Variants in GSE1 observed in about 807,000 individuals in gnomAD.
The protein encoded by GSE1 is Gse1 coiled-coil protein.
GSE1 carries 32 observed loss-of-function variants against 112.6 expected under a neutral mutation model. The ratio of observed to expected loss-of-function variants is 0.28; its 90% CI spans 0.21 to 0.38. The LOEUF is 0.38. Ranked by LOEUF, GSE1 falls within the 10% of genes least tolerant of loss-of-function variation. The pLI is 1.00. For missense variants in GSE1, 2,348 were observed against 1,699.2 expected (o/e 1.38, Z -6.71); for synonymous variants, 1,115 against 735.6 (o/e 1.52, Z -8.35).
chr16:85,334,643 G>T (rs1293857571), intron 1 of GSE1, among the ~76,000 whole-genome samples: 1 of 152,194 alleles, frequency 6.6e-6, no homozygotes, highest in African/African-American at 2.4e-5. Context: ...CCTTATTGGG[G>T]CTATGTGTGA....
exon 1 of GSE1, chr16:85,170,142 C>T (rs2074335273): frequency 3.0e-6 from 3 of 985,302 alleles, no homozygotes; most frequent in Non-Finnish European, 2.4e-6. Flanking sequence ...CAGGGCCTCG[C>T]GGGGGGCGCG....
At chr16:85,302,658 G>A (rs1373392541) in intron 1 of GSE1, among the ~76,000 whole-genome samples, 1 of 152,192 alleles carries the variant, frequency 6.6e-6, no homozygotes, top group African/African-American at 2.4e-5. Flanking sequence ...CAGAGCCTCT[G>A]AATCAAAAGA....
At chr16:85,242,074 G>A (rs1456998360) in intron 1 of GSE1, among the ~76,000 whole-genome samples, 3 of 152,166 alleles carry the variant, frequency 2.0e-5, no homozygotes, top group African/African-American at 4.8e-5. Context: ...AGCTGCAAGA[G>A]TCCCACGTCC....
chr16:85,518,032 C>T (rs1170012291), intron 2 of GSE1, among the ~76,000 whole-genome samples: 2 of 152,300 alleles, frequency 1.3e-5, no homozygotes, highest in African/African-American at 2.4e-5. Context: ...AAGCCGGGCA[C>T]CAGGGACACG....
intron 2 of GSE1, among the ~76,000 whole-genome samples, chr16:85,461,411 T>C (rs1012499564): frequency 1.3e-5 from 2 of 152,184 alleles, no homozygotes; most frequent in Non-Finnish European, 2.9e-5. Context: ...CTACCTTGGC[T>C]GCGCACTGGA....
intron 1 of GSE1, among the ~76,000 whole-genome samples, chr16:85,271,533 C>T (rs997693438): frequency 2.0e-5 from 3 of 152,250 alleles, no homozygotes; most frequent in Non-Finnish European, 4.4e-5. Flanking sequence ...AAGCCCGAAT[C>T]ATCTGCCAAA....
intron 2 of GSE1, among the ~76,000 whole-genome samples, chr16:85,440,519 C>T (rs1043527972): frequency 3.9e-5 from 6 of 152,316 alleles, no homozygotes; most frequent in Admixed American, 3.3e-4. Flanking sequence ...CTTTCTCACA[C>T]CCACCCCAGA....
At chr16:85,177,601 C>G (rs559973914) in intron 1 of GSE1, among the ~76,000 whole-genome samples, 2 of 152,292 alleles carry the variant, frequency 1.3e-5, no homozygotes, top group East Asian at 3.9e-4. Context: ...TACGTGGTGT[C>G]TCATTCTGCC....
At chr16:85,301,562 G>T (rs78165262) in intron 1 of GSE1, among the ~76,000 whole-genome samples, 1 of 152,270 alleles carries the variant, frequency 6.6e-6, no homozygotes, top group Non-Finnish European at 1.5e-5. Context: ...CCAAAGGAAA[G>T]TTGCTGGGGC....
intron 14 of GSE1, 131 bp from the exon 15 acceptor site, chr16:85,670,864 G>A: frequency 1.6e-6 from 1 of 642,488 alleles, no homozygotes; most frequent in South Asian, 1.8e-5. Context: ...GTGGTCCACA[G>A]GAGAGGCCTT....
intron 1 of GSE1, among the ~76,000 whole-genome samples, chr16:85,228,082 G>A (rs1482274792): frequency 6.6e-6 from 1 of 152,136 alleles, no homozygotes; most frequent in Non-Finnish European, 1.5e-5. Flanking sequence ...GCTCCCTGGG[G>A]ACGGGTGATC....
intron 3 of GSE1, among the ~76,000 whole-genome samples, chr16:85,653,529 C>G (rs2051622934): frequency 1.3e-5 from 2 of 151,354 alleles, no homozygotes; most frequent in Non-Finnish European, 2.9e-5. Flanking sequence ...GACCCCTCAT[C>G]TGAGTCCTCT....
chr16:85,672,328 C>T, intron 15 of GSE1, 77 bp from the exon 16 acceptor site: 1 of 1,074,304 alleles, frequency 9.3e-7, no homozygotes, highest in East Asian at 2.4e-5. Flanking sequence ...ACCCTTCCAT[C>T]CAGCATGTTT....
chr16:85,437,112 C>G (rs1183986451), intron 2 of GSE1, among the ~76,000 whole-genome samples: 2 of 152,156 alleles, frequency 1.3e-5, no homozygotes, highest in Admixed American at 6.5e-5. Flanking sequence ...TGAAATTTCC[C>G]ATTAAGGGAG....
chr16:85,551,760 T>C (rs2044927260), upstream of GSE1, among the ~76,000 whole-genome samples: 1 of 152,234 alleles, frequency 6.6e-6, no homozygotes, highest in African/African-American at 2.4e-5. Context: ...CGCTAGAATT[T>C]TACAGCTCTC....
chr16:85,282,000 G>T (rs2044871535), intron 1 of GSE1, among the ~76,000 whole-genome samples: 2 of 151,976 alleles, frequency 1.3e-5, no homozygotes, highest in Non-Finnish European at 2.9e-5. Flanking sequence ...CCACAGCCGG[G>T]GTTATCCTGT....
chr16:85,654,410 C>G lies in GSE1; in HGVS notation c.559C>G (p.Pro187Ala), dbSNP rs753112792. ...CACCCCCTACCCCTTCGGCCTCTCC[C>G]CCAGCTCAGTTGTGCAGGATTCCCG... The part of the protein sequence containing the change: ...LSTPYPFGLS[P>A]SSVVQDSRFP... Residue 187 changes from proline (P) to alanine (A), a missense_variant, in exon 4 of 16, where the codon CCC becomes GCC. By Grantham distance (27) the Pro-to-Ala change is conservative. Transcript: ENST00000253458. 1.4e-5 allele frequency: 22 copies of G among 1,593,478 alleles called. No homozygotes were observed. The highest frequency in any genetic ancestry group is 1.5e-5 in the Non-Finnish European group (18 of 1,169,762).
intron 1 of GSE1, among the ~76,000 whole-genome samples, chr16:85,621,312 C>T (rs1018018554): frequency 2.0e-5 from 3 of 152,180 alleles, no homozygotes; most frequent in Non-Finnish European, 2.9e-5. Flanking sequence ...TGGGTCTCTG[C>T]GGTGTTGGGG....
intron 2 of GSE1, among the ~76,000 whole-genome samples, chr16:85,498,185 T>G (rs541998527): frequency 6.6e-6 from 1 of 152,054 alleles, no homozygotes; most frequent in Non-Finnish European, 1.5e-5. Context: ...CAGGCTGCGA[T>G]TCCTCTCCTG....
Sources: allele counts gnomAD v4.1 joint callset (sites outside exome capture counted in the v4.1 genomes callset), GRCh38; gene constraint gnomAD v4.1.1; transcripts MANE v1.5; gene names NCBI Gene and HGNC (gene_info 2026-07-23, HGNC 2026-07-21).